The following C12orf57 variants were observed in gnomAD, a reference collection of about 807,000 sequenced individuals.
The protein encoded by C12orf57 is chromosome 12 open reading frame 57, also known as protein C10.
Under a neutral mutation model 11.3 loss-of-function variants are expected in C12orf57, and 14 were observed. The ratio of observed to expected loss-of-function variants is 1.24; its 90% confidence interval spans 0.82 to 1.94. The LOEUF is 1.94. Ranked by LOEUF, C12orf57 falls within the 30% of genes most tolerant of loss-of-function variation. C12orf57 has a pLI of 0.00. For missense variants in C12orf57, 229 were observed against 172.4 expected (o/e 1.33, Z -1.84); for synonymous variants, 100 against 74.6 (o/e 1.34, Z -1.76).
intron 2 of C12orf57, 28 bp downstream of exon 2, chr12:6,944,680 G>C: frequency 6.3e-7 from 1 of 1,585,920 alleles, no homozygotes; most frequent in South Asian, 1.1e-5. Flanking sequence ...AGGCGGGTCA[G>C]ACGCGGGAAG....
upstream of C12orf57, chr12:6,943,876 C>T (rs780348551): frequency 1.5e-3 from 1,461 of 982,364 alleles, 3 homozygotes; most frequent in Non-Finnish European, 1.7e-3. Context: ...CCGGAAAGCC[C>T]CTCTTATGAT....
At chr12:6,943,567 G>A (rs1555145316), upstream of C12orf57, 1 of 1,289,428 alleles carries the variant, frequency 7.8e-7, no homozygotes, top group Non-Finnish European at 1.0e-6. Context: ...AACAACGAAG[G>A]GGCTGTGACT....
In C12orf57 at chr12:6,944,050, G is replaced by T; in HGVS notation, c.-72G>T. The T allele has an allele frequency of 5.0e-6, 8 of 1,611,674 alleles. No homozygotes were observed. In the South Asian group the frequency reaches 5.5e-5, roughly 11 times the overall value. ...TTCCGCTCCCAGGGGCGTTGGGAAC[G>T]GTTGTAGGACGTGGCTCTTTATTCG... is the stretch of plus-strand genomic sequence containing the variant. On this transcript the variant is annotated 5_prime_UTR_variant, in exon 1 of 3. Coordinates refer to ENST00000229281, the MANE Select transcript of C12orf57 (RefSeq NM_138425.4).
At chr12:6,944,352 A>G in intron 1 of C12orf57, 124 bp from the exon 2 acceptor site, 2 of 1,554,926 alleles carry the variant, frequency 1.3e-6, no homozygotes, top group Middle Eastern at 2.3e-4. Flanking sequence ...TGCCCCCAAG[A>G]CTTGGGATCT....
chr12:6,944,387 C>T, intron 1 of C12orf57, 89 bp from the exon 2 acceptor site: 1 of 1,560,524 alleles, frequency 6.4e-7, no homozygotes, highest in Middle Eastern at 2.3e-4. Flanking sequence ...CAGCCTCAAT[C>T]CACTAATTCC....
At chr12:6,945,708 C>A in intron 2 of C12orf57, 63 bp from the exon 3 acceptor site, 5 of 1,559,322 alleles carry the variant, frequency 3.2e-6, no homozygotes, top group Non-Finnish European at 4.4e-6. Flanking sequence ...CTACCACCCC[C>A]TCCAGGTGTC....
chr12:6,945,055 G>A (rs1220380881), intron 2 of C12orf57: 4 of 373,230 alleles, frequency 1.1e-5, no homozygotes. Context: ...TTGTGCATGA[G>A]ACAAAGTTTT....
In C12orf57 at chr12:6,945,932, C is replaced by A; in HGVS notation, c.*10C>A. 1 of 1,608,104 alleles carries A rather than the reference C, an allele frequency of 6.2e-7. No homozygotes were observed. Among genetic ancestry groups the A allele is most frequent in the East Asian group, 2.2e-5 (1 of 44,772 alleles). ...CGTGGCCGCCTCCTGAGAGTTGGCC[C>A]TCCCTTGTGCCACTGCCAGGGGAGG... is the stretch of plus-strand genomic sequence containing the variant. On this transcript the variant is annotated 3_prime_UTR_variant, in exon 3 of 3. Transcript: ENST00000229281.
Position 6,944,352 on chromosome 12 carries a change from A to T in C12orf57, c.53-124A>T, listed in dbSNP as rs1191519268. 2.6e-6 allele frequency: 4 copies of T among 1,554,808 alleles called. No homozygotes were observed. In the African/African-American group the frequency reaches 4.1e-5, roughly 16 times the overall value. Reference sequence around the variant, plus strand: ...TCTAAGTGGGGCGCTTGCCCCCAAGACTTGGGATCTTATTGGGTTACCTAC... The same window carrying T: ...TCTAAGTGGGGCGCTTGCCCCCAAGTCTTGGGATCTTATTGGGTTACCTAC... On this transcript the variant is annotated intron_variant, in intron 1 of 2. Coordinates refer to ENST00000229281, the MANE Select transcript of C12orf57 (RefSeq NM_138425.4).
chr12:6,944,893 GT>G, intron 2 of C12orf57: 2 of 1,391,062 alleles, frequency 1.4e-6, no homozygotes, highest in Non-Finnish European at 1.9e-6. Context: ...GACCGGAAGT[GT>G]TTCGGGTTTT....
chr12:6,943,535 A>G (rs1555145302), upstream of C12orf57: 2 of 1,287,786 alleles, frequency 1.6e-6, no homozygotes, highest in Non-Finnish European at 2.0e-6. Flanking sequence ...TTTACTGCCG[A>G]ATCCAGGTCT....
chr12:6,944,537 G>C lies in C12orf57; in HGVS notation c.114G>C (p.Glu38Asp). 1 of 1,614,088 alleles carries C rather than the reference G, an allele frequency of 6.2e-7. No individual in the cohort carries two copies. Among genetic ancestry groups the C allele is most frequent in the Non-Finnish European group, 8.5e-7 (1 of 1,180,050 alleles). The change falls in exon 2 of 3, where the codon GAG becomes GAC. Residue 38 changes from glutamate to aspartate, a missense_variant. Coordinates refer to ENST00000229281, the MANE Select transcript of C12orf57 (RefSeq NM_138425.4). ...SAPENAVRMD[E>D]ARDNACNDMG... ...CGGAGAATGCAGTGCGCATGGACGA[G>C]GCTCGGGATAACGCCTGCAACGACA... is the stretch of plus-strand genomic sequence containing the variant.
In C12orf57 at chr12:6,944,148, G is replaced by C; in HGVS notation, c.27G>C (p.Ala9=). MASASTQP[A]ALSAEQAKVV... ...TGGCGTCCGCCTCGACCCAACCGGC[G>C]GCCTTGAGCGCTGAGCAAGCAAAGG... is the stretch of plus-strand genomic sequence containing the variant. The change falls in exon 1 of 3, where the codon GCG becomes GCC. Residue 9 remains alanine (A), a synonymous_variant. Coordinates refer to ENST00000229281, the MANE Select transcript of C12orf57 (RefSeq NM_138425.4). The C allele has an allele frequency of 6.2e-7, 1 of 1,614,216 alleles. No individual in the cohort carries two copies. Among genetic ancestry groups the C allele is most frequent in the Non-Finnish European group, 8.5e-7 (1 of 1,180,030 alleles).
At chr12:6,945,128 T>C (rs1555146296) in intron 2 of C12orf57, 1 of 242,072 alleles carries the variant, frequency 4.1e-6, no homozygotes, top group East Asian at 8.7e-5. Context: ...GAATTTTCCA[T>C]TTTCGGCCTC....
At position 6,944,254 on chromosome 12, in the gene C12orf57, G is replaced by C. The variant is rs1366853662; in HGVS notation, c.52+81G>C. 3.1e-6 allele frequency: 5 copies of C among 1,610,648 alleles called. No homozygotes were observed. In the African/African-American group the frequency reaches 6.7e-5, roughly 22 times the overall value. On this transcript the variant is annotated intron_variant, in intron 1 of 2. Transcript: ENST00000229281. ...GGCTGCTGGTCTGGGGAGGATGCGG[G>C]CGGAGGATGTGGGGCGACAAACCTG... is the stretch of plus-strand genomic sequence containing the variant.
upstream of C12orf57, chr12:6,943,659 T>C (rs782517275): frequency 7.8e-6 from 10 of 1,288,314 alleles, no homozygotes; most frequent in Non-Finnish European, 1.0e-5. Flanking sequence ...AATGAATGAC[T>C]TAAGTAAGTT....
rs969293578 is a variant in C12orf57 at position 6,944,033 on chromosome 12, C to T, written c.-89C>T. ...GCCGGATGCTGTTTCCTTTCCGCTC[C>T]CAGGGGCGTTGGGAACGGTTGTAGG... On this transcript the variant is annotated 5_prime_UTR_variant, in exon 1 of 3. Coordinates refer to ENST00000229281, the MANE Select transcript of C12orf57 (RefSeq NM_138425.4). 89 of 1,609,790 alleles carry T rather than the reference C, an allele frequency of 5.5e-5. No homozygotes were observed. The highest frequency in any genetic ancestry group is 8.8e-5 in the South Asian group (8 of 90,940).
chr12:6,944,005 T>G (rs782735567), upstream of C12orf57: 38 of 1,594,674 alleles, frequency 2.4e-5, no homozygotes, highest in Non-Finnish European at 3.1e-5. Context: ...CGCTTCCGGC[T>G]GCGCCGGATG....
chr12:6,943,931 G>T, upstream of C12orf57: 5 of 1,340,668 alleles, frequency 3.7e-6, no homozygotes, highest in Non-Finnish European at 5.0e-6. Context: ...AAAAATTATG[G>T]GTAGTTTTGG....
Sources: gnomAD v4.1 joint callset for allele counts on GRCh38, gnomAD v4.1.1 for gene constraint, MANE v1.5 for transcripts, NCBI Gene and HGNC (gene_info 2026-07-23, HGNC 2026-07-21) for gene names.